The following TTLL5 variants were observed in gnomAD, a reference collection of about 807,000 sequenced individuals.
TTLL5 encodes tubulin tyrosine ligase like 5, also known as tubulin polyglutamylase TTLL5.
In TTLL5, 132 loss-of-function variants were observed where a neutral mutation model predicts 168.4. That is an observed-to-expected ratio of 0.78 (90% CI 0.68 to 0.91). TTLL5 has a LOEUF of 0.91. Among genes scored for constraint, TTLL5 ranks in the 40% least tolerant of loss-of-function variants. The probability of loss-of-function intolerance (pLI) is 0.00; values close to 1 mark genes in which losing one functional copy is unlikely to be tolerated. For synonymous variants in TTLL5, 546 were observed against 558.6 expected, an observed-to-expected ratio of 0.98 and a Z score of 0.32; for missense variants, 1,545 against 1,581.5, an observed-to-expected ratio of 0.98 and a Z score of 0.39.
In TTLL5 at chr14:75,669,483, G is replaced by A. The variant is rs1156617983; in HGVS notation, c.142G>A (p.Ala48Thr). The A allele has an allele frequency of 1.9e-6, 3 of 1,613,942 alleles. No homozygotes were observed. The highest frequency in any genetic ancestry group is 1.7e-5 in the Admixed American group (1 of 60,010). Residue 48 changes from alanine (A) to threonine (T), a missense_variant, in exon 3 of 32, where the codon GCT becomes ACT. By Grantham distance (58) the Ala-to-Thr change is moderately conservative. Transcript: ENST00000298832. ...RIPVLVFHAD[A>T]ILTKDNNIRV... ...TCCAGTTTTGGTATTCCATGCCGACGCTATTCTTACAAAGGACAACAATAT... is the reference window on the plus strand; with the variant it reads ...TCCAGTTTTGGTATTCCATGCCGACACTATTCTTACAAAGGACAACAATAT...
intron 17 of TTLL5, among the ~76,000 whole-genome samples, chr14:75,751,471 G>A (rs1048028368): frequency 6.6e-6 from 1 of 152,136 alleles, no homozygotes; most frequent in Admixed American, 6.5e-5. Context: ...TCATGGGCCT[G>A]GAGTGTCTAC....
At chr14:75,787,236 A>T (rs1892419352) in intron 26 of TTLL5, among the ~76,000 whole-genome samples, 1 of 152,220 alleles carries the variant, frequency 6.6e-6, no homozygotes, top group Non-Finnish European at 1.5e-5. Flanking sequence ...AGTTTAAAAA[A>T]ATCCAACTAT....
chr14:75,824,683 C>T (rs998591250), intron 28 of TTLL5, among the ~76,000 whole-genome samples: 64 of 149,644 alleles, frequency 4.3e-4, no homozygotes, highest in African/African-American at 1.6e-3. Context: ...CACTCCTGAA[C>T]TATACATGTA....
intron 29 of TTLL5, among the ~76,000 whole-genome samples, chr14:75,867,068 G>A (rs2030579102): frequency 1.3e-5 from 2 of 152,206 alleles, no homozygotes; most frequent in Admixed American, 1.3e-4. Context: ...AACTTTTTCT[G>A]TAAATAGCCA....
At chr14:75,861,382 G>A (rs2029987577) in intron 28 of TTLL5, among the ~76,000 whole-genome samples, 1 of 152,180 alleles carries the variant, frequency 6.6e-6, no homozygotes, top group Non-Finnish European at 1.5e-5. Flanking sequence ...AGGCAACAGA[G>A]GAGCATGGAC....
chr14:75,893,817 C>CAAA (rs61332109), intron 30 of TTLL5, among the ~76,000 whole-genome samples: 36 of 71,586 alleles, frequency 5.0e-4, no homozygotes, highest in South Asian at 5.8e-4. Context: ...GACTCCATCT[C>CAAA]AAAAAAAAAA....
chr14:75,777,363 T>C (rs1891774825), intron 23 of TTLL5, among the ~76,000 whole-genome samples: 1 of 152,194 alleles, frequency 6.6e-6, no homozygotes, highest in African/African-American at 2.4e-5. Flanking sequence ...TTGCCTACAT[T>C]GAGTAGGCTG....
At chr14:75,952,395 C>T (rs913492562) in intron 31 of TTLL5, among the ~76,000 whole-genome samples, 1 of 152,216 alleles carries the variant, frequency 6.6e-6, no homozygotes, top group African/African-American at 2.4e-5. Context: ...ACATTGGAAC[C>T]TTCATGCACT....
rs10655974 is a variant in TTLL5, at chr14:75,919,197, C to CAAAAA, written c.3823+16993_3823+16997dup. Among the ~76,000 whole-genome samples, 462 of 55,676 alleles carry CAAAAA rather than the reference C, an allele frequency of 8.3e-3. 7 individuals carry two copies. The highest frequency in any genetic ancestry group is 0.014 in the South Asian group (10 of 740). 36.5% of individuals were successfully genotyped at this position (55,676 alleles called of 152,430 possible). ...GCCTGGCTCCAGAGCAAGACCGTCT[C>CAAAAA]AAAAAAAAAAAAAAAAAAAAAAAAG... On this transcript the variant is annotated intron_variant, in intron 31 of 31. Coordinates refer to ENST00000298832, the MANE Select transcript of TTLL5 (RefSeq NM_015072.5).
intron 28 of TTLL5, among the ~76,000 whole-genome samples, chr14:75,863,039 C>T (rs947349376): frequency 1.6e-4 from 25 of 152,160 alleles, no homozygotes; most frequent in African/African-American, 5.3e-4. Flanking sequence ...AAAAGGCCAC[C>T]GGCCCTTCGC....
At chr14:75,757,832 G>A in intron 18 of TTLL5, 2 of 1,591,156 alleles carry the variant, frequency 1.3e-6, no homozygotes, top group Non-Finnish European at 1.7e-6. Flanking sequence ...CTTCTGTAGG[G>A]GAAACCCAAG....
In TTLL5 at chr14:75,720,715, C is replaced by A; in HGVS notation, c.1042+12C>A. 1 of 1,603,984 alleles carries A rather than the reference C, an allele frequency of 6.2e-7. No individual in the cohort carries two copies. Among genetic ancestry groups the A allele is most frequent in the South Asian group, 1.1e-5 (1 of 90,848 alleles). On this transcript the variant is annotated intron_variant, in intron 12 of 31. Coordinates refer to ENST00000298832, the MANE Select transcript of TTLL5 (RefSeq NM_015072.5). ...CAGCAGTTGTTTTGGTAAGGAGACT[C>A]AAGAAGCTTAACATGTTTTGTGAAG...
chr14:75,685,332 T>TG, intron 5 of TTLL5, among the ~76,000 whole-genome samples: 1 of 145,056 alleles, frequency 6.9e-6, no homozygotes, highest in Non-Finnish European at 1.5e-5. Flanking sequence ...GCTATGATTG[T>TG]GCCACTGCAC....
chr14:75,741,800 A>C (rs1889290876), intron 15 of TTLL5, among the ~76,000 whole-genome samples: 2 of 152,160 alleles, frequency 1.3e-5, no homozygotes, highest in Admixed American at 1.3e-4. Context: ...CACAGTAGCT[A>C]GACCTAGAAT....
intron 30 of TTLL5, among the ~76,000 whole-genome samples, chr14:75,894,105 G>T (rs918335675): frequency 6.6e-6 from 1 of 152,216 alleles, no homozygotes; most frequent in South Asian, 2.1e-4. Context: ...AAGGGTCCGT[G>T]TCGACTTTGA....
intron 8 of TTLL5, 69 bp downstream of exon 8, chr14:75,707,156 C>A (rs984711242): frequency 1.7e-6 from 2 of 1,197,730 alleles, no homozygotes; most frequent in Non-Finnish European, 2.5e-6. Context: ...CTTTTCATAG[C>A]CTTCTCTAGT....
intron 27 of TTLL5, among the ~76,000 whole-genome samples, chr14:75,795,580 C>T (rs1291261477): frequency 6.6e-6 from 1 of 152,092 alleles, no homozygotes; most frequent in Non-Finnish European, 1.5e-5. Flanking sequence ...ACCCTCCTTC[C>T]ACCCTTCCCC....
chr14:75,699,369 G>A, intron 7 of TTLL5, 99 bp downstream of exon 7: 1 of 1,066,276 alleles, frequency 9.4e-7, no homozygotes, highest in Non-Finnish European at 1.4e-6. Context: ...ATTAAGAGCA[G>A]GTGTGCTCTT....
At chr14:75,758,730 A>G (rs1890439138) in intron 18 of TTLL5, among the ~76,000 whole-genome samples, 1 of 152,210 alleles carries the variant, frequency 6.6e-6, no homozygotes, top group Non-Finnish European at 1.5e-5. Flanking sequence ...GTAGAATTGA[A>G]TATCAATAAC....
Sources: gnomAD v4.1 joint callset for allele counts (sites outside exome capture counted in the v4.1 genomes callset) on GRCh38, gnomAD v4.1.1 for gene constraint, MANE v1.5 for transcripts, NCBI Gene and HGNC (gene_info 2026-07-23, HGNC 2026-07-21) for gene names.